GLDC: variants seen among roughly 807,000 people sequenced by gnomAD.
GLDC encodes glycine dehydrogenase (decarboxylating), mitochondrial.
A neutral mutation model predicts 121.3 loss-of-function variants in GLDC; 104 were observed. The observed-to-expected ratio is 0.86, with a 90% confidence interval of 0.73 to 1.01. GLDC has a LOEUF of 1.01. GLDC is among the 50% of genes least tolerant of loss of function. The pLI, the probability that GLDC is intolerant of heterozygous loss-of-function variation, is 0.00. For synonymous variants in GLDC, 546 were observed against 480.6 expected, an observed-to-expected ratio of 1.14 and a Z score of -1.78; for missense variants, 1,429 against 1,306.6, an observed-to-expected ratio of 1.09 and a Z score of -1.44.
intron 15 of GLDC, among the ~76,000 whole-genome samples, chr9:6,576,327 G>C (rs907752021): frequency 6.6e-6 from 1 of 152,156 alleles, no homozygotes; most frequent in Non-Finnish European, 1.5e-5. Context: ...CATGGTGGAA[G>C]GGGTAAAGAG....
At chr9:6,625,264 C>G (rs757144231) in intron 2 of GLDC, among the ~76,000 whole-genome samples, 1 of 152,108 alleles carries the variant, frequency 6.6e-6, no homozygotes, top group Admixed American at 6.6e-5. Flanking sequence ...AAGATTTGCA[C>G]TGATTGCTCT....
intron 15 of GLDC, among the ~76,000 whole-genome samples, chr9:6,570,633 C>T (rs7861068): frequency 0.024 from 3,633 of 152,246 alleles, 104 homozygotes; most frequent in African/African-American, 0.066. Context: ...ACGGGCAGAT[C>T]ACCTGAGGTC....
At chr9:6,576,475 A>T (rs983227294) in intron 15 of GLDC, among the ~76,000 whole-genome samples, 2 of 151,554 alleles carry the variant, frequency 1.3e-5, no homozygotes, top group Non-Finnish European at 2.9e-5. Flanking sequence ...TCTTCTTCTT[A>T]TTTTTTTTGA....
At chr9:6,625,977 T>G (rs1018373303) in intron 2 of GLDC, among the ~76,000 whole-genome samples, 1 of 152,166 alleles carries the variant, frequency 6.6e-6, no homozygotes, top group African/African-American at 2.4e-5. Flanking sequence ...AGAAGAATCC[T>G]GAACTAAATC....
rs190834734 is a variant in GLDC, at chr9:6,568,567, G to C, written c.1851-3138C>G. On this transcript the variant is annotated intron_variant, in intron 15 of 24. Coordinates refer to ENST00000321612, the MANE Select transcript of GLDC (RefSeq NM_000170.3). Reference sequence around the variant, plus strand: ...GTCCTAGAAAAACAAGGCCCTCCATGCCGGGCGTGGTGGCTCACACCTGTA... The same window carrying C: ...GTCCTAGAAAAACAAGGCCCTCCATCCCGGGCGTGGTGGCTCACACCTGTA... 2.8e-3 allele frequency among the ~76,000 whole-genome samples: 432 copies of C among 152,316 alleles called. 7 individuals are homozygous for C. The highest frequency in any genetic ancestry group is 0.027 in the Admixed American group (409 of 15,290).
At chr9:6,590,236 T>C (rs1048642033) in intron 11 of GLDC, among the ~76,000 whole-genome samples, 7 of 148,334 alleles carry the variant, frequency 4.7e-5, no homozygotes, top group African/African-American at 1.9e-4. Flanking sequence ...AGAGACTGAC[T>C]ACCCACAGAA....
At chr9:6,556,392 A>G in intron 17 of GLDC, 90 bp from the exon 18 acceptor site, 1 of 1,076,662 alleles carries the variant, frequency 9.3e-7, no homozygotes, top group Non-Finnish European at 1.4e-6. Flanking sequence ...AAGGATGAAG[A>G]AAGATGAAGT....
chr9:6,592,813 T>C, intron 10 of GLDC, 38 bp downstream of exon 10: 1 of 1,597,716 alleles, frequency 6.3e-7, no homozygotes, highest in Non-Finnish European at 8.6e-7. Flanking sequence ...AATGTGAAAA[T>C]TTGAAAAACT....
chr9:6,554,838 T>C (rs904704773), intron 18 of GLDC, 57 bp from the exon 19 acceptor site: 1 of 1,304,742 alleles, frequency 7.7e-7, no homozygotes, highest in South Asian at 1.2e-5. Context: ...CACCCTCCAG[T>C]GTGAAGGCCA....
chr9:6,554,453 G>A (rs1355383392), intron 19 of GLDC, among the ~76,000 whole-genome samples: 1 of 152,164 alleles, frequency 6.6e-6, no homozygotes, highest in East Asian at 1.9e-4. Context: ...GCTCAGTGAG[G>A]CCAGATGCTA....
intron 20 of GLDC, 109 bp from the exon 21 acceptor site, chr9:6,551,023 C>G: frequency 1.3e-6 from 1 of 776,550 alleles, no homozygotes; most frequent in Non-Finnish European, 2.3e-6. Flanking sequence ...AGGAAGGCAG[C>G]CCACCATGAC....
At chr9:6,637,324 G>C (rs1453403159) in intron 2 of GLDC, among the ~76,000 whole-genome samples, 5 of 151,490 alleles carry the variant, frequency 3.3e-5, no homozygotes, top group Admixed American at 2.6e-4. Flanking sequence ...AGAATCATTT[G>C]AACCCCGGAG....
chr9:6,540,925 G>A (rs1167631551), intron 21 of GLDC: 1 of 152,250 alleles, frequency 6.6e-6, no homozygotes, highest in Admixed American at 6.6e-5. Context: ...GGGAGGCTGA[G>A]GTGGGCAGAT....
intron 2 of GLDC, among the ~76,000 whole-genome samples, 198 bp from the exon 3 acceptor site, chr9:6,620,517 T>A (rs2129950020): frequency 6.6e-6 from 1 of 152,152 alleles, no homozygotes; most frequent in Non-Finnish European, 1.5e-5. Flanking sequence ...AACACTCAAT[T>A]TCTCCTCAAG....
At chr9:6,567,304 C>T (rs1223160187) in intron 15 of GLDC, 1 of 152,122 alleles carries the variant, frequency 6.6e-6, no homozygotes, top group Non-Finnish European at 1.5e-5. Flanking sequence ...AAGTCCTAGC[C>T]TATTTGAGGT....
intron 4 of GLDC, among the ~76,000 whole-genome samples, 183 bp from the exon 5 acceptor site, chr9:6,606,852 T>A (rs1428862720): frequency 6.6e-6 from 1 of 151,248 alleles, no homozygotes; most frequent in East Asian, 2.0e-4. Flanking sequence ...GCGGGCAGAT[T>A]ACCTGAGGTC....
intron 21 of GLDC, among the ~76,000 whole-genome samples, chr9:6,546,978 A>G (rs1817406951): frequency 1.3e-5 from 2 of 151,886 alleles, no homozygotes; most frequent in South Asian, 4.2e-4. Context: ...AATAATAATA[A>G]TAATAATAAT....
intron 10 of GLDC, 55 bp downstream of exon 10, chr9:6,592,796 G>T: frequency 6.6e-7 from 1 of 1,524,862 alleles, no homozygotes; most frequent in Non-Finnish European, 9.1e-7. Flanking sequence ...ACCTTTTAAT[G>T]AGAAACAATG....
chr9:6,638,388 T>G (rs980252419), intron 2 of GLDC, among the ~76,000 whole-genome samples: 13 of 152,080 alleles, frequency 8.5e-5, no homozygotes, highest in Non-Finnish European at 4.4e-5. Context: ...GTAATTTCTG[T>G]ATTTTTAGTA....
Sources: gnomAD v4.1 joint callset for allele counts (sites outside exome capture counted in the v4.1 genomes callset) on GRCh38, gnomAD v4.1.1 for gene constraint, MANE v1.5 for transcripts, NCBI Gene and HGNC (gene_info 2026-07-23, HGNC 2026-07-21) for gene names.